The following SULF2 variants were observed in gnomAD, a reference collection of about 807,000 sequenced individuals.
SULF2 encodes the protein extracellular sulfatase Sulf-2.
In SULF2, 52 loss-of-function variants were observed where a neutral mutation model predicts 107.7. That is an observed-to-expected ratio of 0.48 (90% CI 0.39 to 0.61). The LOEUF (loss-of-function observed/expected upper bound fraction) is 0.61, where lower values mean the gene tolerates loss of function less well. SULF2 is among the 20% of genes least tolerant of loss of function. SULF2 has a pLI of 0.00. For synonymous variants in SULF2, 460 were observed against 464.3 expected (o/e 0.99, Z 0.12); for missense variants, 993 against 1,177.3 (o/e 0.84, Z 2.29).
intron 3 of SULF2, among the ~76,000 whole-genome samples, chr20:47,721,140 G>C (rs2146696908): frequency 2.3e-5 from 1 of 42,774 alleles, no homozygotes; most frequent in Admixed American, 1.7e-4. Context: ...GAGTTCTTCT[G>C]CTTTTGAAAA....
intron 3 of SULF2, among the ~76,000 whole-genome samples, chr20:47,710,192 G>A (rs2088881586): frequency 6.6e-6 from 1 of 152,048 alleles, no homozygotes; most frequent in South Asian, 2.1e-4. Context: ...GTGAGCCACC[G>A]TGCCCAGCCT....
chr20:47,741,517 G>T (rs1443116690), intron 2 of SULF2, among the ~76,000 whole-genome samples: 1 of 152,082 alleles, frequency 6.6e-6, no homozygotes, highest in Non-Finnish European at 1.5e-5. Flanking sequence ...TCTAACACAT[G>T]ATATACTTTT....
chr20:47,769,370 T>C (rs1463931261), intron 1 of SULF2, among the ~76,000 whole-genome samples: 2 of 151,304 alleles, frequency 1.3e-5, no homozygotes, highest in African/African-American at 4.9e-5. Flanking sequence ...TTTTTTTTTT[T>C]TTTTTTTAGT....
At position 47,785,414 on chromosome 20, in the gene SULF2, C is replaced by CG. The variant is rs2090909247; in HGVS notation, c.-173_-172insC. 1 of 146,728 alleles carries CG rather than the reference C, an allele frequency of 6.8e-6. No homozygotes were observed. The highest frequency in any genetic ancestry group is 1.5e-5 in the Non-Finnish European group (1 of 66,106). 9.1% of individuals were successfully genotyped at this position (146,728 alleles called of 1,614,324 possible). A position where few individuals can be genotyped will look rare whatever the true frequency, so the allele number is the denominator to read the frequency against. On this transcript the variant is annotated 5_prime_UTR_variant, in exon 1 of 21. Coordinates refer to ENST00000688720, the MANE Select transcript of SULF2 (RefSeq NM_001387048.1). ...CCGCCTCTGCCGCAGCCCGGCCGGG[C>CG]CGCTGGGCGCAGGGGACTCCGCGCC...
chr20:47,725,756 C>T (rs1364095155), intron 3 of SULF2, among the ~76,000 whole-genome samples: 1 of 152,204 alleles, frequency 6.6e-6, no homozygotes, highest in East Asian at 1.9e-4. Context: ...GGCTACCTGC[C>T]AGCCCTCTAT....
chr20:47,708,695 C>A (rs2088827176), intron 3 of SULF2, among the ~76,000 whole-genome samples: 1 of 152,172 alleles, frequency 6.6e-6, no homozygotes, highest in African/African-American at 2.4e-5. Context: ...AAATCTCCAG[C>A]CAGTGAACCT....
chr20:47,745,456 TACAC>T (rs200705450), intron 2 of SULF2, among the ~76,000 whole-genome samples: 2,668 of 15,248 alleles, frequency 0.17, 276 homozygotes, highest in East Asian at 0.25. Context: ...TATATATATA[TACAC>T]ATACACACAC....
At chr20:47,689,840 T>C in intron 5 of SULF2, 1 of 295,390 alleles carries the variant, frequency 3.4e-6, no homozygotes, top group Non-Finnish European at 6.2e-6. Context: ...AAAATACACA[T>C]GGCATTAAAA....
At chr20:47,738,368 T>A (rs183809809) in intron 2 of SULF2, among the ~76,000 whole-genome samples, 2 of 152,218 alleles carry the variant, frequency 1.3e-5, no homozygotes, top group Non-Finnish European at 2.9e-5. Flanking sequence ...CCTTGGTTTT[T>A]CCCCTTTTCC....
At chr20:47,753,641 T>A (rs2146887164) in intron 2 of SULF2, among the ~76,000 whole-genome samples, 1 of 152,368 alleles carries the variant, frequency 6.6e-6, no homozygotes, top group Admixed American at 6.5e-5. Flanking sequence ...TAAAATAATA[T>A]TTAAGCTTCA....
chr20:47,738,705 T>C (rs946851981), intron 2 of SULF2, among the ~76,000 whole-genome samples: 9 of 152,228 alleles, frequency 5.9e-5, no homozygotes, highest in Admixed American at 5.9e-4. Flanking sequence ...CCTACCGCCA[T>C]GTAAGATGTG....
At chr20:47,759,985 GATAA>G (rs140307982) in intron 1 of SULF2, among the ~76,000 whole-genome samples, 1,528 of 152,352 alleles carry the variant, frequency 0.01, 11 homozygotes, top group Non-Finnish European at 0.017. Flanking sequence ...CAAAGAAATA[GATAA>G]ATAAAGGAAC....
Position 47,690,113 on chromosome 20 carries a change from T to C in SULF2, c.737+13A>G. 17 of 1,427,760 alleles carry C rather than the reference T, an allele frequency of 1.2e-5. No individual in the cohort carries two copies. Among genetic ancestry groups the C allele is most frequent in the Non-Finnish European group, 1.4e-5 (15 of 1,076,670 alleles). The allele number at this position is 1,427,760 out of a possible 1,614,324, so 88.4% of individuals were successfully genotyped here. A position where few individuals can be genotyped will look rare whatever the true frequency, so the allele number is the denominator to read the frequency against. The stretch of plus-strand genomic sequence containing the variant: ...TAAGCAGTGCCTCTGGCAGGCAGAG[T>C]GCTGAGGCTTACATGTGCTGAGATG... On this transcript the variant is annotated intron_variant, in intron 5 of 20. Coordinates refer to ENST00000688720, the MANE Select transcript of SULF2 (RefSeq NM_001387048.1).
Position 47,664,200 on chromosome 20 carries a change from C to A in SULF2, c.1998-11G>T. 1 of 1,603,488 alleles carries A rather than the reference C, an allele frequency of 6.2e-7. No homozygotes were observed. Among genetic ancestry groups the A allele is most frequent in the Non-Finnish European group, 8.5e-7 (1 of 1,175,624 alleles). On this transcript the variant is annotated splice_polypyrimidine_tract_variant and intron_variant, in intron 14 of 20. Coordinates refer to ENST00000688720, the MANE Select transcript of SULF2 (RefSeq NM_001387048.1). The stretch of plus-strand genomic sequence containing the variant: ...TGCTGGGTGTGGTAGCTGTAACAGA[C>A]CCCCCCAGCCCCAGGCTTCAGGAGT...
upstream of SULF2, chr20:47,785,747 G>T (rs1413038771): frequency 6.8e-6 from 1 of 147,748 alleles, no homozygotes; most frequent in Non-Finnish European, 1.5e-5. Context: ...GGAGCGTCGG[G>T]CCGGGAGCCG....
At chr20:47,659,616 G>A (rs1009828023) in intron 19 of SULF2, 81 bp downstream of exon 19, 17 of 1,398,924 alleles carry the variant, frequency 1.2e-5, no homozygotes, top group Middle Eastern at 1.8e-4. Context: ...AAGATAACAG[G>A]TGCAGACTCA....
At chr20:47,732,449 G>A (rs1011452176) in intron 3 of SULF2, among the ~76,000 whole-genome samples, 21 of 152,176 alleles carry the variant, frequency 1.4e-4, no homozygotes, top group African/African-American at 4.8e-4. Context: ...TGGGAACACT[G>A]TACAACTTTG....
chr20:47,674,638 C>T (rs1016616834), intron 10 of SULF2, among the ~76,000 whole-genome samples: 1 of 152,206 alleles, frequency 6.6e-6, no homozygotes, highest in African/African-American at 2.4e-5. Flanking sequence ...CAGACAGATG[C>T]ACATGAGCTC....
At chr20:47,676,939 CT>C (rs1386642569) in intron 9 of SULF2, 138 bp downstream of exon 9, 1 of 884,966 alleles carries the variant, frequency 1.1e-6, no homozygotes, top group Non-Finnish European at 1.8e-6. Flanking sequence ...AGTGAATGGG[CT>C]TTGTGTTTAG....
Sources: gnomAD v4.1 joint callset for allele counts (sites outside exome capture counted in the v4.1 genomes callset) on GRCh38, gnomAD v4.1.1 for gene constraint, MANE v1.5 for transcripts, NCBI Gene and HGNC (gene_info 2026-07-23, HGNC 2026-07-21) for gene names.